Variants in LY96 observed in about 807,000 individuals in gnomAD.
The protein encoded by LY96 is lymphocyte antigen 96, also known as myeloid differentiation protein-2.
A neutral mutation model predicts 18.9 loss-of-function variants in LY96; 18 were observed. The observed-to-expected ratio is 0.95, with a 90% CI of 0.66 to 1.41. The LOEUF (loss-of-function observed/expected upper bound fraction) is 1.41, where lower values mean the gene tolerates loss of function less well. Ranked by LOEUF, LY96 falls within the 40% of genes most tolerant of loss-of-function variation. The probability of loss-of-function intolerance (pLI) is 0.00; values close to 1 mark genes in which losing one functional copy is unlikely to be tolerated. For missense variants in LY96, 175 were observed against 182.4 expected (o/e 0.96, Z 0.23); for synonymous variants, 66 against 62.6 (o/e 1.06, Z -0.26).
chr8:74,009,531 A>G (rs1470387939), intron 2 of LY96, among the ~76,000 whole-genome samples: 1 of 152,134 alleles, frequency 6.6e-6, no homozygotes, highest in Non-Finnish European at 1.5e-5. Context: ...TAGGGAGATC[A>G]TGAGGAAATT....
the LY96 span, among the ~76,000 whole-genome samples, chr8:74,081,109 C>CTTTCTTTT: frequency 7.4e-6 from 1 of 135,556 alleles, no homozygotes; most frequent in Admixed American, 7.6e-5. Context: ...TTCTTTCTTT[C>CTTTCTTTT]TTTCTTTCTT....
chr8:73,994,862 T>A (rs1816089917), intron 1 of LY96, among the ~76,000 whole-genome samples: 1 of 152,178 alleles, frequency 6.6e-6, no homozygotes, highest in Non-Finnish European at 1.5e-5. Context: ...AAACCTATTT[T>A]TTCACAGTTC....
chr8:74,008,167 A>G (rs1370990232), intron 2 of LY96, among the ~76,000 whole-genome samples: 1 of 152,208 alleles, frequency 6.6e-6, no homozygotes, highest in Non-Finnish European at 1.5e-5. Flanking sequence ...ACGTGACCAC[A>G]GTGGTGTCCA....
chr8:74,016,818 C>G (rs1437324627), intron 3 of LY96, among the ~76,000 whole-genome samples: 1 of 152,172 alleles, frequency 6.6e-6, no homozygotes, highest in African/African-American at 2.4e-5. Flanking sequence ...GGTCCTGACT[C>G]TTAGAAGGAA....
the LY96 span, among the ~76,000 whole-genome samples, chr8:74,044,711 A>G: frequency 6.6e-6 from 1 of 152,220 alleles, no homozygotes. Flanking sequence ...CAAAAATTCA[A>G]AGATGAACAA....
the LY96 span, among the ~76,000 whole-genome samples, chr8:74,039,088 C>T: frequency 6.6e-6 from 1 of 152,142 alleles, no homozygotes; most frequent in Non-Finnish European, 1.5e-5. Context: ...GGTGAGATAT[C>T]TCATTGTAGT....
At position 74,010,085 on chromosome 8, in the gene LY96, G is replaced by A. The variant is rs199848357; in HGVS notation, c.287G>A (p.Arg96Gln). 8.6e-5 allele frequency: 138 copies of A among 1,613,092 alleles called. No individual in the cohort carries two copies. In the Middle Eastern group the frequency reaches 1.7e-3, roughly 19 times the overall value. The change falls in exon 3 of 5, where the codon CGA becomes CAA. Residue 96 changes from arginine to glutamine, a missense_variant. Physicochemically the swap from Arg to Gln is conservative, Grantham distance 43 (BLOSUM62 1). Coordinates refer to ENST00000284818, the MANE Select transcript of LY96 (RefSeq NM_015364.5). ...NLPKRKEVIC[R>Q]GSDDDYSFCR... Reference sequence around the variant, plus strand: ...CCAAAGCGCAAAGAAGTTATTTGCCGAGGATCTGATGACGATTACTCTTTT... The same window carrying A: ...CCAAAGCGCAAAGAAGTTATTTGCCAAGGATCTGATGACGATTACTCTTTT...
chr8:74,071,573 C>CTAGAA, the LY96 span, among the ~76,000 whole-genome samples: 23 of 152,280 alleles, frequency 1.5e-4, 1 homozygote, highest in African/African-American at 5.3e-4. Flanking sequence ...CACTTCTCCA[C>CTAGAA]CCAAGACTAG....
the LY96 span, among the ~76,000 whole-genome samples, chr8:74,087,911 C>T: frequency 1.3e-5 from 2 of 152,066 alleles, no homozygotes; most frequent in African/African-American, 4.8e-5. Context: ...AAAGCTTTTC[C>T]TTTCACCTTT....
intron 1 of LY96, among the ~76,000 whole-genome samples, chr8:74,000,916 C>T (rs548383061): frequency 1.3e-5 from 2 of 152,276 alleles, no homozygotes; most frequent in South Asian, 2.1e-4. Context: ...CTCATCCTTT[C>T]ATCAGGAATC....
the LY96 span, chr8:74,099,745 T>G: frequency 2.0e-5 from 3 of 152,202 alleles, no homozygotes; most frequent in Non-Finnish European, 4.4e-5. Flanking sequence ...TCCCCTCCCT[T>G]GAAGTATCTG....
At chr8:74,051,410 A>T in the LY96 span, among the ~76,000 whole-genome samples, 1 of 152,208 alleles carries the variant, frequency 6.6e-6, no homozygotes, top group Non-Finnish European at 1.5e-5. Flanking sequence ...TTGTCCAGTG[A>T]CTGCTCAGAA....
chr8:74,059,151 T>C, the LY96 span, among the ~76,000 whole-genome samples: 1 of 152,160 alleles, frequency 6.6e-6, no homozygotes, highest in South Asian at 2.1e-4. Flanking sequence ...CACCCAGCAA[T>C]AGTGTTTAAT....
At chr8:74,080,987 TTTCTTTC>T in the LY96 span, among the ~76,000 whole-genome samples, 1 of 42,824 alleles carries the variant, frequency 2.3e-5, no homozygotes, top group Non-Finnish European at 4.6e-5. Flanking sequence ...TTTCTCTCTC[TTTCTTTC>T]TTTCTTTCTT....
chr8:74,089,574 T>C, the LY96 span, among the ~76,000 whole-genome samples: 3 of 152,142 alleles, frequency 2.0e-5, no homozygotes, highest in African/African-American at 7.2e-5. Flanking sequence ...GTGGATGAGA[T>C]TTTATTTGAC....
At chr8:74,002,372 T>C (rs1816314334) in intron 1 of LY96, among the ~76,000 whole-genome samples, 1 of 151,784 alleles carries the variant, frequency 6.6e-6, no homozygotes, top group African/African-American at 2.4e-5. Context: ...TGGTTGGTGG[T>C]GTCTCACCAT....
At chr8:74,071,670 G>T in the LY96 span, among the ~76,000 whole-genome samples, 3 of 152,162 alleles carry the variant, frequency 2.0e-5, no homozygotes, top group Non-Finnish European at 4.4e-5. Context: ...CTAGAGGCTT[G>T]CCATCCTATT....
chr8:74,018,628 C>G (rs138007921), intron 3 of LY96, among the ~76,000 whole-genome samples: 1,791 of 152,312 alleles, frequency 0.012, 31 homozygotes, highest in African/African-American at 0.039. Flanking sequence ...ACATTCTTCT[C>G]AGCACCACAT....
At position 74,026,790 on chromosome 8, in the gene LY96, G is replaced by A. The variant is rs1217537021; in HGVS notation, c.333G>A (p.Glu111=). 4 of 1,525,016 alleles carry A rather than the reference G, an allele frequency of 2.6e-6. No homozygotes were observed. In the African/African-American group the frequency reaches 4.1e-5, roughly 16 times the overall value. 94.5% of individuals were successfully genotyped at this position (1,525,016 alleles called of 1,614,324 possible). ...TTGTATTTTATATTTTGTTTGCAGA[G>A]ACTGTGAATACAACAATATCATTCT... The part of the protein sequence containing the change: ...DYSFCRALKG[E]TVNTTISFSF... The change falls in exon 4 of 5, where the codon GAG becomes GAA. Residue 111 remains glutamate (E), a splice_region_variant and synonymous_variant. Coordinates refer to ENST00000284818, the MANE Select transcript of LY96 (RefSeq NM_015364.5).
Sources: gnomAD v4.1 joint callset for allele counts (sites outside exome capture counted in the v4.1 genomes callset) on GRCh38, gnomAD v4.1.1 for gene constraint, MANE v1.5 for transcripts, NCBI Gene and HGNC (gene_info 2026-07-23, HGNC 2026-07-21) for gene names.